The following GRIN2B variants were observed in gnomAD, a reference collection of about 807,000 sequenced individuals.
GRIN2B encodes glutamate ionotropic receptor NMDA type subunit 2B.
In GRIN2B, 5 loss-of-function variants were observed where a neutral mutation model predicts 114.5. The observed-to-expected ratio is 0.04, with a 90% CI of 0.02 to 0.09. The LOEUF (loss-of-function observed/expected upper bound fraction) is 0.09, where lower values mean the gene tolerates loss of function less well. Among genes scored for constraint, GRIN2B ranks in the 10% least tolerant of loss-of-function variants. The pLI is 1.00. For synonymous variants in GRIN2B, 787 were observed against 745.1 expected, an observed-to-expected ratio of 1.06 and a Z score of -0.92; for missense variants, 1,108 against 1,943.5, an observed-to-expected ratio of 0.57 and a Z score of 8.08.
Position 13,544,055 on chromosome 12 carries a change from A to G in GRIN2B, c.*18728T>C, listed in dbSNP as rs1948315511. On this transcript the variant is annotated 3_prime_UTR_variant, in exon 14 of 14. Transcript: ENST00000609686. ...CATAAAATGGGCTGTTATTTTTCCC[A>G]TCTTAAAAAAAGAAGTCCCTCCCTG... 1 of 151,990 alleles carries G rather than the reference A, an allele frequency of 6.6e-6. No homozygotes were observed. The highest frequency in any genetic ancestry group is 2.4e-5 in the African/African-American group (1 of 41,366). The allele number at this position is 151,990 out of a possible 1,614,324, so 9.4% of individuals were successfully genotyped here.
At chr12:13,566,030 G>A (rs1037362728) in intron 13 of GRIN2B, among the ~76,000 whole-genome samples, 5 of 152,214 alleles carry the variant, frequency 3.3e-5, no homozygotes, top group African/African-American at 1.2e-4. Flanking sequence ...GAGATCTTAG[G>A]GAAGGGCTAC....
intron 3 of GRIN2B, among the ~76,000 whole-genome samples, chr12:13,861,633 C>T (rs896959300): frequency 6.6e-6 from 1 of 152,188 alleles, no homozygotes; most frequent in African/African-American, 2.4e-5. Flanking sequence ...CTTTAAGGGA[C>T]CCCGTGTGGC....
chr12:13,688,904 T>G (rs1950191911), intron 4 of GRIN2B, among the ~76,000 whole-genome samples: 1 of 152,238 alleles, frequency 6.6e-6, no homozygotes, highest in South Asian at 2.1e-4. Context: ...TTACCCTGTT[T>G]GATCTCTCCA....
intron 3 of GRIN2B, among the ~76,000 whole-genome samples, chr12:13,783,708 A>C (rs1274557163): frequency 6.6e-6 from 1 of 152,142 alleles, no homozygotes; most frequent in Non-Finnish European, 1.5e-5. Flanking sequence ...GTAATGAAGG[A>C]AAAGGAATGT....
intron 12 of GRIN2B, 73 bp downstream of exon 12, chr12:13,569,743 TAAAGAAATGGAAGA>T (rs1039912233): frequency 4.2e-5 from 37 of 873,880 alleles, no homozygotes; most frequent in Admixed American, 3.8e-4. Flanking sequence ...ATGCACAGGT[TAAAGAAATGGAAGA>T]AAAGGAAAGG....
At chr12:13,890,655 A>C (rs554984025) in intron 2 of GRIN2B, among the ~76,000 whole-genome samples, 1 of 152,156 alleles carries the variant, frequency 6.6e-6, no homozygotes, top group Admixed American at 6.5e-5. Context: ...AGGCTTGTTG[A>C]CAGTATGGGA....
intron 2 of GRIN2B, among the ~76,000 whole-genome samples, chr12:13,883,949 G>A (rs1281275483): frequency 6.6e-6 from 1 of 152,020 alleles, no homozygotes; most frequent in Non-Finnish European, 1.5e-5. Flanking sequence ...TACATTTTCA[G>A]TTTATTAATC....
In GRIN2B at chr12:13,783,972, C is replaced by T. The variant is rs543377230; in HGVS notation, c.412-30057G>A. ...GGCGCGGTGGCTCATGCCTGTAATC[C>T]CAGCACTTTGGGAGGCCAAGGCGGG... is the stretch of plus-strand genomic sequence containing the variant. On this transcript the variant is annotated intron_variant, in intron 3 of 13. Transcript: ENST00000609686. Among the ~76,000 whole-genome samples, 15 of 152,082 alleles carry T rather than the reference C, an allele frequency of 9.9e-5. 1 individual carries two copies. The South Asian group carries it at 2.1e-3, about 21-fold the overall frequency.
intron 3 of GRIN2B, among the ~76,000 whole-genome samples, chr12:13,854,171 G>A (rs1056973100): frequency 4.6e-5 from 7 of 152,132 alleles, no homozygotes; most frequent in African/African-American, 1.7e-4. Context: ...CTGGAAAGTA[G>A]AAAAATATCA....
intron 3 of GRIN2B, among the ~76,000 whole-genome samples, chr12:13,783,261 A>G (rs1433982011): frequency 2.0e-5 from 3 of 152,238 alleles, no homozygotes; most frequent in Admixed American, 6.5e-5. Flanking sequence ...AAACACACAC[A>G]CACACAAAAA....
intron 2 of GRIN2B, among the ~76,000 whole-genome samples, chr12:13,900,166 G>A (rs868546953): frequency 1.3e-5 from 2 of 152,006 alleles, no homozygotes; most frequent in Non-Finnish European, 1.5e-5. Context: ...TCATCATTGT[G>A]GAATATACAT....
rs918174955 is a variant in GRIN2B at position 13,753,057 on chromosome 12, T to A, written c.1010+260A>T. On this transcript the variant is annotated intron_variant, in intron 4 of 13. Transcript: ENST00000609686. The surrounding 1 kb of genome is among the most constrained non-coding windows in gnomAD (Gnocchi z 6.2). ...TTAAAACCTGACTTATAGAGTTATT[T>A]TGAGGATCAAATGAAACCAAACATG... 1.3e-5 allele frequency among the ~76,000 whole-genome samples: 2 copies of A among 152,244 alleles called. No individual in the cohort carries two copies. The highest frequency in any genetic ancestry group is 1.3e-4 in the Admixed American group (2 of 15,288).
At chr12:13,751,275 T>C (rs1281631259) in intron 4 of GRIN2B, among the ~76,000 whole-genome samples, 1 of 152,066 alleles carries the variant, frequency 6.6e-6, no homozygotes, top group Non-Finnish European at 1.5e-5. Flanking sequence ...TGGACCTCAT[T>C]AAAGGAGCAA....
chr12:13,932,995 G>A (rs1254196482), intron 2 of GRIN2B, among the ~76,000 whole-genome samples: 13 of 137,548 alleles, frequency 9.5e-5, no homozygotes, highest in East Asian at 6.6e-4. Context: ...GTGCGTGTGC[G>A]TGTGTGTGTG....
chr12:13,788,884 T>G (rs972828020), intron 3 of GRIN2B, among the ~76,000 whole-genome samples: 1 of 152,202 alleles, frequency 6.6e-6, no homozygotes, highest in Admixed American at 6.5e-5. Flanking sequence ...CATCATTACC[T>G]TCCCTCTGCA....
intron 3 of GRIN2B, among the ~76,000 whole-genome samples, chr12:13,808,419 A>T (rs1228359522): frequency 6.6e-6 from 1 of 152,166 alleles, no homozygotes; most frequent in African/African-American, 2.4e-5. Context: ...GATCCCCAGC[A>T]CATGATCAGA....
In GRIN2B at chr12:13,552,712, A is replaced by G. The variant is rs1948428729; in HGVS notation, c.*10071T>C. 1 of 152,132 alleles carries G rather than the reference A, an allele frequency of 6.6e-6. No individual in the cohort carries two copies. The highest frequency in any genetic ancestry group is 1.5e-5 in the Non-Finnish European group (1 of 68,026). The allele number at this position is 152,132 out of a possible 1,614,324, so 9.4% of individuals were successfully genotyped here. ...AAATGGGTTTTGCTCTAAAATATTAACTATTCTCATTTTCAGGAGCAAGGC... is the reference window on the plus strand; with the variant it reads ...AAATGGGTTTTGCTCTAAAATATTAGCTATTCTCATTTTCAGGAGCAAGGC... On this transcript the variant is annotated 3_prime_UTR_variant, in exon 14 of 14. Coordinates refer to ENST00000609686, the MANE Select transcript of GRIN2B (RefSeq NM_000834.5).
chr12:13,557,958 G>A lies in GRIN2B; in HGVS notation c.*4825C>T, dbSNP rs1948494468. 1 of 152,238 alleles carries A rather than the reference G, an allele frequency of 6.6e-6. No homozygotes were observed. Among genetic ancestry groups the A allele is most frequent in the African/African-American group, 2.4e-5 (1 of 41,446 alleles). The allele number at this position is 152,238 out of a possible 1,614,324, so 9.4% of individuals were successfully genotyped here. On this transcript the variant is annotated 3_prime_UTR_variant, in exon 14 of 14. Transcript: ENST00000609686. ...TAAAGCAACAAATCTGTGTGGGAAG[G>A]TGGTAGTTGCAGTGGGGTGGGAAAT... is the stretch of plus-strand genomic sequence containing the variant.
intron 2 of GRIN2B, among the ~76,000 whole-genome samples, chr12:13,880,994 TTGTGTGTG>T (rs144197797): frequency 6.7e-6 from 1 of 148,792 alleles, no homozygotes; most frequent in African/African-American, 2.4e-5. Flanking sequence ...GGGTATAAGG[TTGTGTGTG>T]TGTGTGTGTG....
Sources: allele counts gnomAD v4.1 joint callset (sites outside exome capture counted in the v4.1 genomes callset), GRCh38; gene constraint gnomAD v4.1.1; non-coding constraint Gnocchi (gnomAD v3.1); transcripts MANE v1.5; gene names NCBI Gene and HGNC (gene_info 2026-07-23, HGNC 2026-07-21).